The following FAT1 variants were observed in gnomAD, a reference collection of about 807,000 sequenced individuals.
FAT1 encodes protocadherin Fat 1.
A neutral mutation model predicts 329.8 loss-of-function variants in FAT1; 171 were observed. The ratio of observed to expected loss-of-function variants is 0.52; its 90% CI spans 0.46 to 0.59. The LOEUF is 0.59. FAT1 is among the 20% of genes least tolerant of loss of function. The pLI, the probability that FAT1 is intolerant of heterozygous loss-of-function variation, is 0.00. For synonymous variants in FAT1, 2,233 were observed against 2,228.6 expected, an observed-to-expected ratio of 1.00 and a Z score of -0.06; for missense variants, 5,672 against 5,774.4, an observed-to-expected ratio of 0.98 and a Z score of 0.57.
upstream of FAT1, among the ~76,000 whole-genome samples, chr4:186,724,046 G>A (rs2126728606): frequency 6.6e-6 from 1 of 151,856 alleles, no homozygotes; most frequent in Non-Finnish European, 1.5e-5. This position sits in a 1 kb window ranked among gnomAD's most constrained non-coding sequence, Gnocchi z 5.3. Context: ...GAGACGAGAA[G>A]GCGCCCAGCG....
Position 186,628,355 on chromosome 4 carries a change from G to T in FAT1, c.4609C>A (p.Gln1537Lys), listed in dbSNP as rs754310449. 1.2e-6 allele frequency: 2 copies of T among 1,612,432 alleles called. No homozygotes were observed. The highest frequency in any genetic ancestry group is 1.7e-6 in the Non-Finnish European group (2 of 1,179,010). ...AAGTTGCGTTTTACAGGCACATCTTGATCTCGTACCTAAAAAGAATTGACA... is the reference window on the plus strand; with the variant it reads ...AAGTTGCGTTTTACAGGCACATCTTTATCTCGTACCTAAAAAGAATTGACA... ...QHTLTVMVRD[Q>K]DVPVKRNFAR... Residue 1537 changes from glutamine to lysine, a missense_variant, in exon 9 of 27, where the codon CAA (glutamine) becomes AAA (lysine). This residue lies in a region of FAT1 where 3,966 missense variants were observed against 3,915.2 expected (regional missense o/e 1.01). Transcript: ENST00000441802.
chr4:186,669,890 A>G (rs1742650860), intron 2 of FAT1, among the ~76,000 whole-genome samples: 1 of 152,156 alleles, frequency 6.6e-6, no homozygotes, highest in Admixed American at 6.5e-5. Flanking sequence ...GTTTCCAATA[A>G]TAACTCCTAC....
chr4:186,722,658 T>C (rs1474930185), intron 1 of FAT1, among the ~76,000 whole-genome samples: 1 of 152,190 alleles, frequency 6.6e-6, no homozygotes, highest in East Asian at 1.9e-4. Context: ...GTGAAAAACA[T>C]CACCATTACC....
chr4:186,651,124 AAAT>A (rs1486026732), intron 3 of FAT1, among the ~76,000 whole-genome samples: 2 of 145,468 alleles, frequency 1.4e-5, no homozygotes, highest in Non-Finnish European at 1.5e-5. Flanking sequence ...AATAATTAAC[AAAT>A]AATTACTAAA....
chr4:186,680,765 G>A (rs1162647064), intron 2 of FAT1, among the ~76,000 whole-genome samples: 1 of 152,194 alleles, frequency 6.6e-6, no homozygotes, highest in Admixed American at 6.5e-5. Context: ...TGCAGAGCTT[G>A]AATCAAAGCC....
At position 186,682,264 on chromosome 4, in the gene FAT1, C is replaced by T. The variant is rs140212265; in HGVS notation, c.3266-18651G>A. 3.4e-3 allele frequency among the ~76,000 whole-genome samples: 512 copies of T among 152,228 alleles called. 19 individuals are homozygous for T. The East Asian group carries it at 0.082, about 24-fold the overall frequency. Reference sequence around the variant, plus strand: ...AATGTTAGCCGGGCGCGGTGGCTCACGCCTGTAATCCTAGCACTTTGGGAG... The same window carrying T: ...AATGTTAGCCGGGCGCGGTGGCTCATGCCTGTAATCCTAGCACTTTGGGAG... On this transcript the variant is annotated intron_variant, in intron 2 of 26. Coordinates refer to ENST00000441802, the MANE Select transcript of FAT1 (RefSeq NM_005245.4).
intron 2 of FAT1, among the ~76,000 whole-genome samples, chr4:186,682,893 C>G (rs1743294733): frequency 6.6e-6 from 1 of 152,196 alleles, no homozygotes; most frequent in Non-Finnish European, 1.5e-5. Context: ...GACAGCAGGA[C>G]AGTCAGCAGC....
chr4:186,663,708 A>G (rs1465803260), intron 2 of FAT1, 95 bp from the exon 3 acceptor site: 9 of 942,828 alleles, frequency 9.5e-6, no homozygotes, highest in East Asian at 5.3e-5. Context: ...TGAGAGCTTT[A>G]TATGTCTCTT....
At chr4:186,641,516 T>C (rs1305303486) in intron 3 of FAT1, among the ~76,000 whole-genome samples, 1 of 152,056 alleles carries the variant, frequency 6.6e-6, no homozygotes, top group Non-Finnish European at 1.5e-5. Context: ...CACCAAGAAG[T>C]TGTGATTGAT....
chr4:186,692,558 C>T (rs539919543), intron 2 of FAT1, among the ~76,000 whole-genome samples: 8 of 152,244 alleles, frequency 5.3e-5, no homozygotes, highest in East Asian at 1.9e-4. Flanking sequence ...GTGATCCGCC[C>T]GCCTCGGCCT....
rs2126474668 is a variant in FAT1, at chr4:186,613,159, G to A, written c.9413C>T (p.Thr3138Ile). 1.2e-6 allele frequency: 2 copies of A among 1,613,674 alleles called. No individual in the cohort carries two copies. Among genetic ancestry groups the A allele is most frequent in the Non-Finnish European group, 8.5e-7 (1 of 1,179,872 alleles). ...DPYAITVFEN[T>I]EPGTLLTRVQ... Reference sequence around the variant, plus strand: ...TCTTGTCAGCAGCGTTCCCGGCTCTGTGTTTTCAAACACGGTGATGGCATA... The same window carrying A: ...TCTTGTCAGCAGCGTTCCCGGCTCTATGTTTTCAAACACGGTGATGGCATA... The change falls in exon 13 of 27, where the codon ACA (threonine) becomes ATA (isoleucine). Residue 3138 changes from threonine to isoleucine, a missense_variant. This residue lies in a region of FAT1 where 3,966 missense variants were observed against 3,915.2 expected (regional missense o/e 1.01). Transcript: ENST00000441802.
intron 2 of FAT1, among the ~76,000 whole-genome samples, chr4:186,690,689 CA>C (rs769826893): frequency 7.0e-4 from 98 of 140,726 alleles, no homozygotes; most frequent in East Asian, 1.4e-3. Context: ...GACTCTGCCT[CA>C]AAAAAAAAAA....
rs184300563 is a variant in FAT1 at position 186,606,194 on chromosome 4, G to C, written c.10226C>G (p.Thr3409Arg). 6.2e-7 allele frequency: 1 copy of C among 1,612,864 alleles called. No homozygotes were observed. The highest frequency in any genetic ancestry group is 8.5e-7 in the Non-Finnish European group (1 of 1,179,696). Reference protein sequence around the residue: ...DRETISGYTLTVQASDNGSPP... With the variant: ...DRETISGYTLRVQASDNGSPP... ...ACTGCCATTATCAGAAGCTTGAACC[G>C]TGAGCGTGTAACCTGAAATCTTTTC... The change falls in exon 17 of 27, where the codon ACG (threonine) becomes AGG (arginine). Residue 3409 changes from threonine to arginine, a missense_variant. This residue lies in a region of FAT1 where 1,706 missense variants were observed against 1,859.1 expected (regional missense o/e 0.92). Coordinates refer to ENST00000441802, the MANE Select transcript of FAT1 (RefSeq NM_005245.4).
intron 2 of FAT1, among the ~76,000 whole-genome samples, chr4:186,682,827 A>C (rs1211936382): frequency 6.6e-6 from 1 of 152,152 alleles, no homozygotes; most frequent in African/African-American, 2.4e-5. Context: ...GAGGGCCCCA[A>C]GGGGGAACCA....
chr4:186,709,572 C>T lies in FAT1; in HGVS notation c.256G>A (p.Glu86Lys), dbSNP rs1334646785. 6.2e-7 allele frequency: 1 copy of T among 1,614,036 alleles called. No individual in the cohort carries two copies. The change falls in exon 2 of 27, where the codon GAA becomes AAA. Residue 86 changes from glutamate to lysine, a missense_variant. Transcript: ENST00000441802. ...SGDSENLFKA[E>K]EYILGDFCFL... ...CAAAAGTCTCCGAGAATGTACTCTT[C>T]AGCTTTGAACAGGTTTTCACTGTCT...
chr4:186,714,565 A>G (rs573223160), intron 1 of FAT1, among the ~76,000 whole-genome samples: 1 of 152,240 alleles, frequency 6.6e-6, no homozygotes, highest in East Asian at 1.9e-4. Flanking sequence ...GAACTGAATG[A>G]GATCACCAAG....
intron 13 of FAT1, 54 bp downstream of exon 13, chr4:186,613,055 A>C: frequency 8.0e-7 from 1 of 1,251,486 alleles, no homozygotes; most frequent in Non-Finnish European, 1.1e-6. Context: ...TTTGAAACAG[A>C]GGCTCCTAGG....
intron 6 of FAT1, 28 bp from the exon 7 acceptor site, chr4:186,633,851 A>G: frequency 6.2e-7 from 1 of 1,613,608 alleles, no homozygotes; most frequent in South Asian, 1.1e-5. Flanking sequence ...AAGTAAAAAC[A>G]GGTCACAGGA....
chr4:186,604,035 A>G (rs1380175781), intron 18 of FAT1, 58 bp from the exon 19 acceptor site: 16 of 1,334,738 alleles, frequency 1.2e-5, no homozygotes, highest in Non-Finnish European at 1.7e-5. Context: ...TAACTTCTTC[A>G]ATAAAAACAT....
Sources: gnomAD v4.1 joint callset for allele counts (sites outside exome capture counted in the v4.1 genomes callset) on GRCh38, gnomAD v4.1.1 for gene constraint, gnomAD v4.1.1 regional missense constraint, Gnocchi (gnomAD v3.1) non-coding constraint, MANE v1.5 for transcripts, NCBI Gene and HGNC (gene_info 2026-07-23, HGNC 2026-07-21) for gene names.